The following CSNK1G1 variants were observed in gnomAD, a reference collection of about 807,000 sequenced individuals.
The protein encoded by CSNK1G1 is casein kinase I isoform gamma-1.
In CSNK1G1, 22 loss-of-function variants were observed where a neutral mutation model predicts 59.6. The ratio of observed to expected loss-of-function variants is 0.37; its 90% CI spans 0.26 to 0.53. CSNK1G1 has a LOEUF of 0.53. CSNK1G1 is among the 20% of genes least tolerant of loss of function. The probability of loss-of-function intolerance (pLI) is 0.89; values close to 1 mark genes in which losing one functional copy is unlikely to be tolerated. For synonymous variants in CSNK1G1, 179 were observed against 177.1 expected (o/e 1.01, Z -0.08); for missense variants, 384 against 519.5 (o/e 0.74, Z 2.54).
intron 1 of CSNK1G1, among the ~76,000 whole-genome samples, chr15:64,347,984 G>T (rs1378080631): frequency 6.8e-6 from 1 of 146,866 alleles, no homozygotes; most frequent in Non-Finnish European, 1.5e-5. Context: ...CCAGCCTGGC[G>T]ACAGAGCACA....
chr15:64,344,831 C>G (rs1031657715), intron 1 of CSNK1G1, among the ~76,000 whole-genome samples: 2 of 152,156 alleles, frequency 1.3e-5, no homozygotes, highest in African/African-American at 4.8e-5. Context: ...TCTAACTAGA[C>G]CATCTCCATA....
At chr15:64,277,871 A>C (rs1398820007) in intron 2 of CSNK1G1, among the ~76,000 whole-genome samples, 2 of 138,998 alleles carry the variant, frequency 1.4e-5, no homozygotes, top group Non-Finnish European at 3.0e-5. Context: ...TATATTTAAT[A>C]ATAATATTGA....
intron 11 of CSNK1G1, 26 bp from the exon 12 acceptor site, chr15:64,172,011 C>A: frequency 6.2e-7 from 1 of 1,609,836 alleles, no homozygotes; most frequent in South Asian, 1.1e-5. Context: ...CATTGCAAGT[C>A]AGTGCGGGAG....
In CSNK1G1 at chr15:64,169,119, T is replaced by C. The variant is rs2081635784; in HGVS notation, c.*2812A>G. 6.6e-6 allele frequency: 1 copy of C among 152,468 alleles called. No individual in the cohort carries two copies. The highest frequency in any genetic ancestry group is 2.4e-5 in the African/African-American group (1 of 41,358). The allele number at this position is 152,468 out of a possible 1,614,324, so 9.4% of individuals were successfully genotyped here. ...CTTGCCCTGCAGCCAAGCTGGTCAG[T>C]GCCTTTGCTTTTGTGTGTGTGTGTG... On this transcript the variant is annotated 3_prime_UTR_variant, in exon 12 of 12. Coordinates refer to ENST00000303052, the MANE Select transcript of CSNK1G1 (RefSeq NM_022048.5).
chr15:64,189,096 A>T (rs946489532), intron 10 of CSNK1G1, among the ~76,000 whole-genome samples: 1 of 152,230 alleles, frequency 6.6e-6, no homozygotes, highest in Non-Finnish European at 1.5e-5. Flanking sequence ...ACTGCACTCC[A>T]GCCTGCGCGA....
intron 2 of CSNK1G1, among the ~76,000 whole-genome samples, chr15:64,266,531 C>A (rs1490525659): frequency 6.6e-6 from 1 of 152,084 alleles, no homozygotes; most frequent in African/African-American, 2.4e-5. Flanking sequence ...TCCTAAAATT[C>A]ATATGGAACC....
intron 2 of CSNK1G1, among the ~76,000 whole-genome samples, chr15:64,277,297 T>C (rs1441957678): frequency 1.3e-5 from 2 of 151,800 alleles, no homozygotes; most frequent in African/African-American, 4.8e-5. Context: ...AGACTCTGCC[T>C]CCACAAAAAA....
At chr15:64,341,390 G>A (rs1031614141) in intron 1 of CSNK1G1, among the ~76,000 whole-genome samples, 3 of 152,154 alleles carry the variant, frequency 2.0e-5, no homozygotes, top group African/African-American at 7.2e-5. Context: ...CACCCGCCTT[G>A]GCCTCCCAAA....
At chr15:64,220,200 T>C in intron 4 of CSNK1G1, among the ~76,000 whole-genome samples, 1 of 151,972 alleles carries the variant, frequency 6.6e-6, no homozygotes, top group Non-Finnish European at 1.5e-5. Context: ...GTTCAAGCCA[T>C]TGTCCTGCCT....
At chr15:64,193,565 T>C (rs2082001803) in intron 10 of CSNK1G1, among the ~76,000 whole-genome samples, 1 of 151,984 alleles carries the variant, frequency 6.6e-6, no homozygotes, top group African/African-American at 2.4e-5. Context: ...TAACCAGTTT[T>C]CCCATGCCAG....
At chr15:64,212,899 G>A (rs1397041481) in intron 6 of CSNK1G1, among the ~76,000 whole-genome samples, 18 of 152,004 alleles carry the variant, frequency 1.2e-4, no homozygotes, top group African/African-American at 4.1e-4. Flanking sequence ...CCAGCTACTC[G>A]GGAGGCTGAG....
At chr15:64,284,074 A>G (rs1894283277) in intron 2 of CSNK1G1, among the ~76,000 whole-genome samples, 1 of 152,156 alleles carries the variant, frequency 6.6e-6, no homozygotes, top group Non-Finnish European at 1.5e-5. Context: ...AGTTGTCCCA[A>G]TACCACTTGT....
chr15:64,200,641 T>TGGCCGCATTATA lies in CSNK1G1; in HGVS notation c.1107+2429_1107+2440dup, dbSNP rs1208844668. ...GATTACAGGCGTGAGCCACTGCGCC[T>TGGCCGCATTATA]GGCCGCATTATAGAGTAATAAAACT... On this transcript the variant is annotated intron_variant, in intron 10 of 11. Transcript: ENST00000303052. The surrounding 1 kb of genome is among the most constrained non-coding windows in gnomAD (Gnocchi z 4.3). Among the ~76,000 whole-genome samples the TGGCCGCATTATA allele has an allele frequency of 6.6e-6, 1 of 152,216 alleles. No individual in the cohort carries two copies. Among genetic ancestry groups the TGGCCGCATTATA allele is most frequent in the Non-Finnish European group, 1.5e-5 (1 of 68,034 alleles).
intron 4 of CSNK1G1, among the ~76,000 whole-genome samples, chr15:64,238,494 T>TAAAAAAAA (rs1169739046): frequency 1.2e-4 from 7 of 56,430 alleles, no homozygotes; most frequent in Non-Finnish European, 1.7e-4. Context: ...CCCTGTCCCT[T>TAAAAAAAA]AAAAAAAAAA....
chr15:64,202,705 A>G (rs1441264360), intron 10 of CSNK1G1, among the ~76,000 whole-genome samples: 1 of 152,118 alleles, frequency 6.6e-6, no homozygotes, highest in Non-Finnish European at 1.5e-5. Flanking sequence ...GGCACGTGCC[A>G]CCATGCCCAA....
intron 1 of CSNK1G1, among the ~76,000 whole-genome samples, chr15:64,343,287 T>A (rs1341074997): frequency 6.9e-6 from 1 of 145,746 alleles, no homozygotes; most frequent in Non-Finnish European, 1.5e-5. Flanking sequence ...TTCTCCTTCC[T>A]CCCCACCTAG....
intron 2 of CSNK1G1, among the ~76,000 whole-genome samples, chr15:64,295,203 C>T (rs1163981288): frequency 6.6e-6 from 1 of 152,160 alleles, no homozygotes. Flanking sequence ...CTCCCTAGTC[C>T]TATATTTACT....
At chr15:64,174,341 A>G (rs1368434670) in intron 11 of CSNK1G1, among the ~76,000 whole-genome samples, 1 of 152,214 alleles carries the variant, frequency 6.6e-6, no homozygotes, top group African/African-American at 2.4e-5. Flanking sequence ...AGAGCCCTGG[A>G]TTTATCTTTG....
In CSNK1G1 at chr15:64,216,951, C is replaced by T. The variant is rs1053874833; in HGVS notation, c.293-238G>A. On this transcript the variant is annotated intron_variant, in intron 4 of 11. Transcript: ENST00000303052. This position sits in a 1 kb window ranked among gnomAD's most constrained non-coding sequence, Gnocchi z 4.6. Reference sequence around the variant, plus strand: ...TCAAATGAGTAGTTATTTAATACCACAGTGCCAAAAACATTTCCACTGCTA... The same window carrying T: ...TCAAATGAGTAGTTATTTAATACCATAGTGCCAAAAACATTTCCACTGCTA... Among the ~76,000 whole-genome samples, 2 of 152,218 alleles carry T rather than the reference C, an allele frequency of 1.3e-5. No individual in the cohort carries two copies. The highest frequency in any genetic ancestry group is 2.9e-5 in the Non-Finnish European group (2 of 68,036).
Sources: gnomAD v4.1 joint callset for allele counts (sites outside exome capture counted in the v4.1 genomes callset) on GRCh38, gnomAD v4.1.1 for gene constraint, Gnocchi (gnomAD v3.1) non-coding constraint, MANE v1.5 for transcripts, NCBI Gene and HGNC (gene_info 2026-07-23, HGNC 2026-07-21) for gene names.